CRYBG1: variants seen among roughly 807,000 people sequenced by gnomAD.
The protein encoded by CRYBG1 is beta/gamma crystallin domain-containing protein 1.
In CRYBG1, 139 loss-of-function variants were observed where a neutral mutation model predicts 189.2. The observed-to-expected ratio is 0.73, with a 90% confidence interval of 0.64 to 0.85. CRYBG1 has a LOEUF of 0.85. CRYBG1 is among the 40% of genes least tolerant of loss of function. The pLI, the probability that CRYBG1 is intolerant of heterozygous loss-of-function variation, is 0.00. For synonymous variants in CRYBG1, 1,023 were observed against 1,017.1 expected, an observed-to-expected ratio of 1.01 and a Z score of -0.11; for missense variants, 2,611 against 2,675.8, an observed-to-expected ratio of 0.98 and a Z score of 0.53.
At chr6:106,375,577 G>A (rs76965586) in intron 1 of CRYBG1, among the ~76,000 whole-genome samples, 6,840 of 152,208 alleles carry the variant, frequency 0.045, 264 homozygotes, top group East Asian at 0.16. Flanking sequence ...AGGCCCAAAG[G>A]TACCACTTTA....
chr6:106,443,153 G>A (rs1328635653), intron 1 of CRYBG1, among the ~76,000 whole-genome samples: 1 of 152,190 alleles, frequency 6.6e-6, no homozygotes, highest in African/African-American at 2.4e-5. Context: ...TCATACTGGT[G>A]AGGTGGAAGA....
chr6:106,365,756 A>G (rs1771976072), intron 1 of CRYBG1, among the ~76,000 whole-genome samples: 1 of 151,680 alleles, frequency 6.6e-6, no homozygotes, highest in Non-Finnish European at 1.5e-5. Context: ...AGAAACAAGC[A>G]TTAATGCTCC....
chr6:106,401,406 ATT>A (rs1554232226), intron 1 of CRYBG1, among the ~76,000 whole-genome samples: 1 of 64,420 alleles, frequency 1.6e-5, no homozygotes, highest in East Asian at 6.3e-4. Flanking sequence ...TTTTTTTTTA[ATT>A]TTCTTTTTTT....
chr6:106,540,812 A>C lies in CRYBG1; in HGVS notation c.4846-774A>C, dbSNP rs773490392. 3.9e-5 allele frequency among the ~76,000 whole-genome samples: 6 copies of C among 151,950 alleles called. No individual in the cohort carries two copies. The East Asian group carries it at 7.7e-4, about 20-fold the overall frequency. On this transcript the variant is annotated intron_variant, in intron 9 of 21. Transcript: ENST00000633556. The stretch of plus-strand genomic sequence containing the variant: ...ACTTTTTTTTAAAAAGCTATTAAAG[A>C]TATATTAATTTTAAAAAAATCCAAC...
At chr6:106,436,673 A>ATT (rs1198615442) in intron 1 of CRYBG1, among the ~76,000 whole-genome samples, 3 of 108,662 alleles carry the variant, frequency 2.8e-5, no homozygotes, top group Non-Finnish European at 3.9e-5. Context: ...GCATTCCATA[A>ATT]TATGGACATG....
At chr6:106,414,984 C>T (rs1298120112) in intron 1 of CRYBG1, among the ~76,000 whole-genome samples, 1 of 152,194 alleles carries the variant, frequency 6.6e-6, no homozygotes, top group East Asian at 1.9e-4. Context: ...ATTCAACTAG[C>T]AGGATTTTGA....
Position 106,451,709 on chromosome 6 carries a change from C to T in CRYBG1, c.189C>T (p.Val63=), listed in dbSNP as rs1253942625. ...PAGEARALDV[V]DGKYVVRDSQ... is the part of the protein sequence containing the mutation. ...TTCTTTGCAGAGCTTTGGATGTAGT[C>T]GATGGAAAATATGTGGTTCGAGACT... Residue 63 remains valine, a synonymous_variant, in exon 2 of 22, where the codon GTC becomes GTT. Coordinates refer to ENST00000633556, the MANE Select transcript of CRYBG1 (RefSeq NM_001371242.2). 4.6e-6 allele frequency: 7 copies of T among 1,532,720 alleles called. No individual in the cohort carries two copies. The highest frequency in any genetic ancestry group is 2.4e-5 in the East Asian group (1 of 40,820). 94.9% of individuals were successfully genotyped at this position (1,532,720 alleles called of 1,614,324 possible).
At chr6:106,529,729 A>G (rs1158448820) in intron 7 of CRYBG1, among the ~76,000 whole-genome samples, 1 of 152,190 alleles carries the variant, frequency 6.6e-6, no homozygotes, top group Non-Finnish European at 1.5e-5. Flanking sequence ...TACTCAGTCA[A>G]GGAGAGTTAC....
At chr6:106,456,091 G>T (rs1771882501) in intron 2 of CRYBG1, among the ~76,000 whole-genome samples, 1 of 152,156 alleles carries the variant, frequency 6.6e-6, no homozygotes, top group African/African-American at 2.4e-5. Flanking sequence ...CCAAAACAAA[G>T]AAGTATCTGC....
intron 3 of CRYBG1, among the ~76,000 whole-genome samples, chr6:106,517,339 TATAC>T (rs1190808257): frequency 6.3e-5 from 8 of 127,576 alleles, no homozygotes; most frequent in South Asian, 2.9e-4. Flanking sequence ...CACATATATA[TATAC>T]ACACACATAT....
chr6:106,549,051 T>C (rs942958639), intron 13 of CRYBG1, among the ~76,000 whole-genome samples: 11 of 152,034 alleles, frequency 7.2e-5, no homozygotes, highest in Non-Finnish European at 1.6e-4. Flanking sequence ...GTTTCATCCA[T>C]GTCCCTACAA....
chr6:106,394,111 T>C (rs1179638979), intron 1 of CRYBG1, among the ~76,000 whole-genome samples: 1 of 152,234 alleles, frequency 6.6e-6, no homozygotes, highest in Non-Finnish European at 1.5e-5. Context: ...ATCCATGCAC[T>C]TAAAGTTTAT....
At chr6:106,413,383 G>T (rs1388318230) in intron 1 of CRYBG1, among the ~76,000 whole-genome samples, 1 of 152,142 alleles carries the variant, frequency 6.6e-6, no homozygotes, top group Non-Finnish European at 1.5e-5. Context: ...GACAACAAAA[G>T]TGACAGATGT....
At chr6:106,381,004 T>A (rs552964685) in intron 1 of CRYBG1, among the ~76,000 whole-genome samples, 1 of 152,284 alleles carries the variant, frequency 6.6e-6, no homozygotes, top group East Asian at 1.9e-4. Context: ...AAAAATTATG[T>A]GTTTATTTTA....
chr6:106,566,167 G>GAAAAAA (rs34366986), intron 21 of CRYBG1, among the ~76,000 whole-genome samples: 2,231 of 123,800 alleles, frequency 0.018, 69 homozygotes, highest in African/African-American at 0.064. Flanking sequence ...GCACCAGCGT[G>GAAAAAA]AAAAAAAAAA....
intron 1 of CRYBG1, among the ~76,000 whole-genome samples, chr6:106,370,550 C>T (rs1770003524): frequency 6.6e-6 from 1 of 152,204 alleles, no homozygotes; most frequent in Non-Finnish European, 1.5e-5. Context: ...ATACAGGTTC[C>T]ACCTTACATT....
chr6:106,433,353 G>A (rs1771372424), intron 1 of CRYBG1, among the ~76,000 whole-genome samples: 1 of 152,146 alleles, frequency 6.6e-6, no homozygotes, highest in African/African-American at 2.4e-5. Flanking sequence ...AAGGAGACTA[G>A]AAGCTGTTTG....
intron 2 of CRYBG1, among the ~76,000 whole-genome samples, 162 bp from the exon 3 acceptor site, chr6:106,511,268 G>C (rs72939434): frequency 0.032 from 4,907 of 152,258 alleles, 115 homozygotes; most frequent in Non-Finnish European, 0.049. Flanking sequence ...AGTAAAACCA[G>C]AGTTTATTTT....
At chr6:106,497,493 G>A (rs1336439919) in intron 2 of CRYBG1, among the ~76,000 whole-genome samples, 1 of 152,148 alleles carries the variant, frequency 6.6e-6, no homozygotes, top group Non-Finnish European at 1.5e-5. Context: ...TTAGTAGCAG[G>A]CTCTGCTTCC....
Sources: gnomAD v4.1 joint callset for allele counts (sites outside exome capture counted in the v4.1 genomes callset) on GRCh38, gnomAD v4.1.1 for gene constraint, MANE v1.5 for transcripts, NCBI Gene and HGNC (gene_info 2026-07-23, HGNC 2026-07-21) for gene names.